The following PID1 variants were observed in gnomAD, a reference collection of about 807,000 sequenced individuals.
PID1 encodes PTB-containing, cubilin and LRP1-interacting protein.
In PID1, 10 loss-of-function variants were observed where a neutral mutation model predicts 19.1. That is an observed-to-expected ratio of 0.52 (90% CI 0.32 to 0.89). The LOEUF (loss-of-function observed/expected upper bound fraction) is 0.89, where lower values mean the gene tolerates loss of function less well. PID1 is among the 40% of genes least tolerant of loss of function. PID1 has a pLI of 0.03. For missense variants in PID1, 248 were observed against 285.3 expected (o/e 0.87, Z 0.94); for synonymous variants, 130 against 116.0 (o/e 1.12, Z -0.78).
At chr2:229,200,477 A>G (rs1202879677) in intron 1 of PID1, among the ~76,000 whole-genome samples, 1 of 151,980 alleles carries the variant, frequency 6.6e-6, no homozygotes, top group Non-Finnish European at 1.5e-5. Flanking sequence ...AGCTGTTGAG[A>G]TGCTGGTCAA....
rs1417711608 is a variant in PID1 at position 229,038,156 on chromosome 2, AGAGGTACACT to A, written c.178-12058_178-12049del. 2.0e-5 allele frequency among the ~76,000 whole-genome samples: 3 copies of A among 152,324 alleles called. No homozygotes were observed. In the East Asian group the frequency reaches 5.8e-4, roughly 29 times the overall value. ...AGTGGAGATTTGGAACAAAAGAAGG[AGAGGTACACT>A]GAGGCTAATTAGACCTGGAATTGTT... On this transcript the variant is annotated intron_variant, in intron 2 of 2. Transcript: ENST00000392055.
chr2:229,168,854 T>C (rs1296855318), intron 1 of PID1, among the ~76,000 whole-genome samples: 8 of 152,198 alleles, frequency 5.3e-5, no homozygotes, highest in Admixed American at 3.9e-4. Context: ...TTCAAGTCAA[T>C]CTAGTCTAGA....
intron 2 of PID1, among the ~76,000 whole-genome samples, chr2:229,107,913 C>G (rs1340003646): frequency 6.6e-6 from 1 of 152,162 alleles, no homozygotes; most frequent in African/African-American, 2.4e-5. Context: ...GCTTGAGAAG[C>G]TCTCATCTAA....
Position 229,155,938 on chromosome 2 carries a change from T to C in PID1, c.57A>G (p.Lys19=). ...CCTTTTTCAGTGTTAAGACATTCAA[T>C]TTAGACTTCAGCATGGTCTGAAAGT... ...LQHFQTMLKS[K]LNVLTLKKEP... The change falls in exon 2 of 3, where the codon AAA becomes AAG. Residue 19 remains lysine, a synonymous_variant. Transcript: ENST00000392055. 1 of 1,613,952 alleles carries C rather than the reference T, an allele frequency of 6.2e-7. No homozygotes were observed. The highest frequency in any genetic ancestry group is 8.5e-7 in the Non-Finnish European group (1 of 1,179,978).
chr2:229,060,530 T>A (rs950062887), intron 2 of PID1, among the ~76,000 whole-genome samples: 1 of 152,162 alleles, frequency 6.6e-6, no homozygotes, highest in African/African-American at 2.4e-5. Context: ...ATGATGGACA[T>A]GTAGGTTGGC....
intron 1 of PID1, among the ~76,000 whole-genome samples, chr2:229,249,963 G>C (rs1232135966): frequency 6.6e-6 from 1 of 152,230 alleles, no homozygotes; most frequent in Non-Finnish European, 1.5e-5. Context: ...GAAGGATGTA[G>C]AGAGAGATGA....
intron 2 of PID1, among the ~76,000 whole-genome samples, chr2:229,083,182 A>G (rs1574614583): frequency 6.6e-6 from 1 of 152,178 alleles, no homozygotes; most frequent in African/African-American, 2.4e-5. Flanking sequence ...CCATGGCCCA[A>G]CTGAACACCT....
intron 1 of PID1, among the ~76,000 whole-genome samples, chr2:229,264,269 G>A (rs1341551907): frequency 1.3e-5 from 2 of 152,114 alleles, no homozygotes; most frequent in Non-Finnish European, 2.9e-5. Flanking sequence ...TAGTATACAT[G>A]AAATTTCCCA....
intron 2 of PID1, among the ~76,000 whole-genome samples, chr2:229,096,873 G>A (rs1468032228): frequency 1.3e-5 from 2 of 152,130 alleles, no homozygotes; most frequent in Admixed American, 1.3e-4. Flanking sequence ...CAAGGGCTCT[G>A]CTTACAAGAA....
intron 2 of PID1, among the ~76,000 whole-genome samples, chr2:229,143,441 G>A (rs529829465): frequency 1.3e-5 from 2 of 152,194 alleles, no homozygotes; most frequent in South Asian, 4.2e-4. Context: ...AGGAGGGCAA[G>A]TCAGGATTTT....
In PID1 at chr2:229,140,111, C is replaced by T. The variant is rs971088316; in HGVS notation, c.177+15707G>A. Among the ~76,000 whole-genome samples the T allele has an allele frequency of 3.3e-5, 5 of 152,012 alleles. No individual in the cohort carries two copies. In the East Asian group the frequency reaches 5.8e-4, roughly 18 times the overall value. ...TCCCCAAAGTATGCTATGTCCACCC[C>T]GGAAGCTACATAATAGAATCACCTA... On this transcript the variant is annotated intron_variant, in intron 2 of 2. Transcript: ENST00000392055.
At chr2:229,256,901 A>T (rs1196333947) in intron 1 of PID1, among the ~76,000 whole-genome samples, 1 of 152,234 alleles carries the variant, frequency 6.6e-6, no homozygotes, top group Admixed American at 6.5e-5. Context: ...ACAAACACAA[A>T]ATACATATCA....
chr2:229,264,000 T>A (rs1291710115), intron 1 of PID1, among the ~76,000 whole-genome samples: 1 of 152,166 alleles, frequency 6.6e-6, no homozygotes, highest in Non-Finnish European at 1.5e-5. Context: ...TACTTGGAAA[T>A]GAGTATGGCT....
At chr2:229,148,448 G>C (rs903815450) in intron 2 of PID1, among the ~76,000 whole-genome samples, 1 of 152,136 alleles carries the variant, frequency 6.6e-6, no homozygotes, top group African/African-American at 2.4e-5. Context: ...AAGGAGGTTA[G>C]GAGAATGAGC....
Position 229,217,593 on chromosome 2 carries a change from G to A in PID1, c.30+53421C>T, listed in dbSNP as rs116569267. Among the ~76,000 whole-genome samples the A allele has an allele frequency of 5.5e-3, 831 of 152,312 alleles. 6 individuals carry two copies. Among genetic ancestry groups the A allele is most frequent in the African/African-American group, 0.019 (794 of 41,548 alleles). On this transcript the variant is annotated intron_variant, in intron 1 of 2. Coordinates refer to ENST00000392055, the MANE Select transcript of PID1 (RefSeq NM_001100818.2). ...ACGCAGGGCTGGTTGGAGAAGGTCA[G>A]TGTATAATTGGTAATTTACAAAGAG...
At chr2:229,256,962 TG>T (rs1690317414) in intron 1 of PID1, among the ~76,000 whole-genome samples, 1 of 152,222 alleles carries the variant, frequency 6.6e-6, no homozygotes, top group South Asian at 2.1e-4. Flanking sequence ...TTTGTAACTA[TG>T]GGTGCCTAAT....
chr2:229,259,354 G>A (rs1038582033), intron 1 of PID1, among the ~76,000 whole-genome samples: 16 of 152,132 alleles, frequency 1.1e-4, no homozygotes, highest in African/African-American at 3.9e-4. Context: ...AAGGGCAGAA[G>A]TTTTTAATTT....
chr2:229,152,658 GA>G (rs568499393), intron 2 of PID1, among the ~76,000 whole-genome samples: 1,849 of 128,640 alleles, frequency 0.014, 31 homozygotes, highest in African/African-American at 0.049. Context: ...CTCTACTCCA[GA>G]AAAAAAAAAA....
chr2:229,105,072 T>A (rs1695147244), intron 2 of PID1, among the ~76,000 whole-genome samples: 1 of 152,242 alleles, frequency 6.6e-6, no homozygotes, highest in Non-Finnish European at 1.5e-5. Flanking sequence ...AAGTGCATTC[T>A]GTGAAACAAA....
Sources: allele counts gnomAD v4.1 joint callset (sites outside exome capture counted in the v4.1 genomes callset), GRCh38; gene constraint gnomAD v4.1.1; transcripts MANE v1.5; gene names NCBI Gene and HGNC (gene_info 2026-07-23, HGNC 2026-07-21).